The following ABCC6 variants were observed in gnomAD, a reference collection of about 807,000 sequenced individuals.
The protein encoded by ABCC6 is ATP binding cassette subfamily C member 6.
In ABCC6, 126 loss-of-function variants were observed where a neutral mutation model predicts 169.5. The ratio of observed to expected loss-of-function variants is 0.74; its 90% CI spans 0.64 to 0.86. ABCC6 has a LOEUF of 0.86. Among genes scored for constraint, ABCC6 ranks in the 40% least tolerant of loss-of-function variants. The probability of loss-of-function intolerance (pLI) is 0.00; values close to 1 mark genes in which losing one functional copy is unlikely to be tolerated. For missense variants in ABCC6, 1,733 were observed against 1,927.2 expected, an observed-to-expected ratio of 0.90 and a Z score of 1.89; for synonymous variants, 752 against 814.7, an observed-to-expected ratio of 0.92 and a Z score of 1.31.
chr16:16,175,818 T>A lies in ABCC6; in HGVS notation c.2666+93A>T, dbSNP rs1180611709. On this transcript the variant is annotated intron_variant, in intron 20 of 30. Transcript: ENST00000205557. ...GGTTCTCTATCCATAATGGTTTTGG[T>A]TGCCCGCCTAACTGCCCGAGATGCG... 4 of 1,413,628 alleles carry A rather than the reference T, an allele frequency of 2.8e-6. No homozygotes were observed. In the East Asian group the frequency reaches 9.3e-5, roughly 33 times the overall value. 87.6% of individuals were successfully genotyped at this position (1,413,628 alleles called of 1,614,324 possible).
At chr16:16,195,801 C>T (rs1422619915) in intron 10 of ABCC6, among the ~76,000 whole-genome samples, 2 of 152,162 alleles carry the variant, frequency 1.3e-5, no homozygotes, top group East Asian at 1.9e-4. Context: ...CCCTGGAATA[C>T]AAGGTGAAGA....
intron 13 of ABCC6, among the ~76,000 whole-genome samples, chr16:16,187,420 C>T (rs2047685465): frequency 6.6e-6 from 1 of 152,208 alleles, no homozygotes; most frequent in Non-Finnish European, 1.5e-5. Flanking sequence ...TGCGATCCTA[C>T]AAATCAGTGA....
chr16:16,213,652 C>T (rs1341272957), intron 5 of ABCC6, among the ~76,000 whole-genome samples: 2 of 150,720 alleles, frequency 1.3e-5, no homozygotes, highest in Admixed American at 6.6e-5. Context: ...CCTCCACATC[C>T]CGGATTCAAG....
At chr16:16,155,708 G>A (rs571618096) in intron 27 of ABCC6, 1 of 152,972 alleles carries the variant, frequency 6.5e-6, no homozygotes, top group Non-Finnish European at 1.5e-5. Flanking sequence ...TGCATCCTCA[G>A]TGTCTGACAC....
chr16:16,154,186 ATCC>A (rs1169654197), intron 29 of ABCC6, among the ~76,000 whole-genome samples: 1 of 151,750 alleles, frequency 6.6e-6, no homozygotes, highest in African/African-American at 2.4e-5. Context: ...GGCTCAAGCA[ATCC>A]TCCTCTCTCA....
rs745335274 is a variant in ABCC6, at chr16:16,188,886, T to C, written c.1724A>G (p.Asn575Ser). 2 of 1,614,218 alleles carry C rather than the reference T, an allele frequency of 1.2e-6. No homozygotes were observed. Among genetic ancestry groups the C allele is most frequent in the South Asian group, 2.2e-5 (2 of 91,086 alleles). ...GAAAGCCTGGGCCTTGTTGAGGATG[T>C]TGAGAACTGTGAGAGTCACAAAGGC... ...EKAFVTLTVL[N>S]ILNKAQAFLP... The change falls in exon 13 of 31, where the codon AAC becomes AGC. Residue 575 changes from asparagine to serine, a missense_variant. Physicochemically the swap from Asn to Ser is conservative, Grantham distance 46 (BLOSUM62 1). Coordinates refer to ENST00000205557, the MANE Select transcript of ABCC6 (RefSeq NM_001171.6).
chr16:16,150,172 G>A lies in ABCC6; in HGVS notation c.4473C>T (p.Gly1491=), dbSNP rs141860096. 260 of 1,613,364 alleles carry A rather than the reference G, an allele frequency of 1.6e-4. 2 individuals carry two copies. The East Asian group carries it at 5.0e-3, about 31-fold the overall frequency. ...GSPAQLLAQK[G]LFYRLAQESG... ...ACTCCTGGGCCAGTCTGTAAAACAG[G>A]CCCTTCTGGGCCAGCAGCTGGGCCG... The change falls in exon 31 of 31, where the codon GGC becomes GGT. Residue 1491 remains glycine (G), a synonymous_variant. Transcript: ENST00000205557.
At chr16:16,219,185 CATG>C (rs1427186641) in intron 4 of ABCC6, among the ~76,000 whole-genome samples, 4 of 131,042 alleles carry the variant, frequency 3.1e-5, no homozygotes, top group Non-Finnish European at 6.4e-5. Flanking sequence ...GAATCCATGA[CATG>C]AGGGGAGGTG....
chr16:16,167,209 A>G (rs989403111), intron 22 of ABCC6, among the ~76,000 whole-genome samples: 5 of 152,212 alleles, frequency 3.3e-5, no homozygotes, highest in African/African-American at 9.6e-5. Context: ...AGTCAGGCCA[A>G]TGACAGGGAG....
chr16:16,214,824 G>A (rs1432621799), intron 4 of ABCC6, among the ~76,000 whole-genome samples: 2 of 152,166 alleles, frequency 1.3e-5, no homozygotes, highest in Non-Finnish European at 2.9e-5. Context: ...TGGCCAGGCT[G>A]ACCTCAAACT....
chr16:16,191,251 G>A (rs911184471), intron 11 of ABCC6, among the ~76,000 whole-genome samples: 9 of 152,112 alleles, frequency 5.9e-5, no homozygotes, highest in African/African-American at 1.9e-4. Flanking sequence ...GAGTAGCTGG[G>A]ATTACAGGCG....
chr16:16,221,958 A>T, intron 1 of ABCC6, 127 bp from the exon 2 acceptor site: 1 of 1,416,380 alleles, frequency 7.1e-7, no homozygotes, highest in South Asian at 1.2e-5. Context: ...TACTCTTTGG[A>T]ATACCTACTA....
At chr16:16,153,117 C>T (rs2046437505) in intron 29 of ABCC6, among the ~76,000 whole-genome samples, 1 of 152,124 alleles carries the variant, frequency 6.6e-6, no homozygotes, top group South Asian at 2.1e-4. Context: ...ATTGGTCAGG[C>T]TGGTCTTGAA....
At chr16:16,209,986 C>T (rs1200009746) in intron 6 of ABCC6, among the ~76,000 whole-genome samples, 1 of 152,026 alleles carries the variant, frequency 6.6e-6, no homozygotes, top group Non-Finnish European at 1.5e-5. Context: ...CAGGGTTGGC[C>T]TTCCAAAGTG....
rs756831300 is a variant in ABCC6, at chr16:16,198,127, T to A, written c.1232A>T (p.Asn411Ile). 1.2e-6 allele frequency: 2 copies of A among 1,611,772 alleles called. No homozygotes were observed. The highest frequency in any genetic ancestry group is 1.1e-5 in the South Asian group (1 of 90,536). ...CCGCTGCACGTCCACGGACACCAGA[T>A]TGACCACATCACCCACCGCACTGGC... is the stretch of plus-strand genomic sequence containing the variant. Reference protein sequence around the residue: ...RKASAVGDVVNLVSVDVQRLT... With the variant: ...RKASAVGDVVILVSVDVQRLT... Residue 411 changes from asparagine (N) to isoleucine (I), a missense_variant, in exon 10 of 31, where the codon AAT becomes ATT. Asn to Ile is a moderately radical substitution (Grantham distance 149). This residue lies in a region of ABCC6 where 1,601 missense variants were observed against 1,635.5 expected (regional missense o/e 0.98). Transcript: ENST00000205557.
At chr16:16,183,647 T>C (rs1180700577) in intron 15 of ABCC6, among the ~76,000 whole-genome samples, 2 of 152,164 alleles carry the variant, frequency 1.3e-5, no homozygotes, top group African/African-American at 4.8e-5. Flanking sequence ...GGCCAGTGGT[T>C]CTCACCAGGG....
chr16:16,191,241 G>C (rs578170715), intron 11 of ABCC6, among the ~76,000 whole-genome samples: 1 of 152,014 alleles, frequency 6.6e-6, no homozygotes, highest in Admixed American at 6.6e-5. Context: ...TGAGCTTCCC[G>C]AGTAGCTGGG....
At chr16:16,181,221 T>C (rs892708612) in intron 17 of ABCC6, among the ~76,000 whole-genome samples, 1 of 151,468 alleles carries the variant, frequency 6.6e-6, no homozygotes, top group Admixed American at 6.6e-5. Flanking sequence ...GGTGGGAGGA[T>C]TGCTTGAACT....
chr16:16,157,829 T>C lies in ABCC6; in HGVS notation c.3736-20A>G, dbSNP rs2046600338. ...GGGAGCCTGGAGCAGGAGGGGAAAC[T>C]GAGTCAGAGGAGCCTTCCTCTAAGA... On this transcript the variant is annotated intron_variant, in intron 26 of 30. Transcript: ENST00000205557. 6.2e-7 allele frequency: 1 copy of C among 1,604,956 alleles called. No individual in the cohort carries two copies. Among genetic ancestry groups the C allele is most frequent in the Middle Eastern group, 1.7e-4 (1 of 6,036 alleles).
Sources: gnomAD v4.1 joint callset for allele counts (sites outside exome capture counted in the v4.1 genomes callset) on GRCh38, gnomAD v4.1.1 for gene constraint, gnomAD v4.1.1 regional missense constraint, MANE v1.5 for transcripts, NCBI Gene and HGNC (gene_info 2026-07-23, HGNC 2026-07-21) for gene names.